MASP2: variants seen among roughly 807,000 people sequenced by gnomAD.
MASP2 encodes the protein MBL associated serine protease 2.
MASP2 carries 49 observed loss-of-function variants against 57.1 expected under a neutral mutation model. The observed-to-expected ratio is 0.86, with a 90% CI of 0.68 to 1.09. The LOEUF (loss-of-function observed/expected upper bound fraction) is 1.09. MASP2 is among the 50% of genes least tolerant of loss of function. MASP2 has a pLI of 0.00. For missense variants in MASP2, 900 were observed against 874.8 expected, an observed-to-expected ratio of 1.03 and a Z score of -0.36; for synonymous variants, 379 against 340.8, an observed-to-expected ratio of 1.11 and a Z score of -1.24.
chr1:11,045,068 C>A, intron 4 of MASP2: 2 of 963,960 alleles, frequency 2.1e-6, no homozygotes, highest in Non-Finnish European at 3.3e-6. Flanking sequence ...ACTGGCCCGT[C>A]CCACAGTGCA....
chr1:11,034,946 A>G, intron 7 of MASP2, 40 bp from the exon 8 acceptor site: 2 of 1,396,204 alleles, frequency 1.4e-6, no homozygotes, highest in Non-Finnish European at 2.0e-6. Context: ...CCTTGTTTAT[A>G]TCATAAAATC....
At chr1:11,040,977 GGATA>G (rs140556474) in intron 6 of MASP2, among the ~76,000 whole-genome samples, 3,404 of 151,500 alleles carry the variant, frequency 0.022, 133 homozygotes, top group African/African-American at 0.076. Context: ...ATGGATGGAT[GGATA>G]GATAGAAGAA....
rs1253980082 is a variant in MASP2 at position 11,027,221 on chromosome 1, T to G, written c.1725A>C (p.Leu575Phe). The G allele has an allele frequency of 3.1e-6, 5 of 1,614,156 alleles. No homozygotes were observed. Among genetic ancestry groups the G allele is most frequent in the Middle Eastern group, 1.6e-4 (1 of 6,084 alleles). Residue 575 changes from leucine (L) to phenylalanine (F), a missense_variant, in exon 11 of 11, where the codon TTA becomes TTC. Coordinates refer to ENST00000400897, the MANE Select transcript of MASP2 (RefSeq NM_006610.4). The part of the protein sequence containing the change: ...DDIGTASGWG[L>F]TQRGFLARNL... ...TTCTAGCAAGAAAACCCCTTTGGGT[T>G]AATCCCCATCCAGATGCAGTTCCAA...
Position 11,041,827 on chromosome 1 carries a change from T to C in MASP2, c.889+1048A>G, listed in dbSNP as rs1041829831. On this transcript the variant is annotated intron_variant, in intron 6 of 10. Coordinates refer to ENST00000400897, the MANE Select transcript of MASP2 (RefSeq NM_006610.4). ...ATGTGTAGGTAGAAGGATGGGTGGA[T>C]GGGTAGATGAGTAGAAGGATGGGTT... Among the ~76,000 whole-genome samples the C allele has an allele frequency of 2.8e-5, 2 of 70,932 alleles. 1 individual carries two copies. Among genetic ancestry groups the C allele is most frequent in the South Asian group, 9.1e-4 (2 of 2,206 alleles). 46.5% of individuals were successfully genotyped at this position (70,932 alleles called of 152,430 possible).
At chr1:11,043,298 G>A (rs1270948562) in intron 5 of MASP2, 41 bp downstream of exon 5, 10 of 1,547,742 alleles carry the variant, frequency 6.5e-6, no homozygotes, top group Non-Finnish European at 6.2e-6. Context: ...CTGGGCTGAG[G>A]GGGAGGATCT....
rs571956287 is a variant in MASP2, at chr1:11,027,615, C to G, written c.1331G>C (p.Arg444Pro). 1 of 1,613,668 alleles carries G rather than the reference C, an allele frequency of 6.2e-7. No homozygotes were observed. Among genetic ancestry groups the G allele is most frequent in the Admixed American group, 1.7e-5 (1 of 59,978 alleles). Residue 444 changes from arginine to proline, a missense_variant, in exon 11 of 11, where the codon CGT (arginine) becomes CCT (proline). By Grantham distance (103) the Arg-to-Pro change is moderately radical. Transcript: ENST00000400897. ...CGLSARTTGG[R>P]IYGGQKAKPG... ...TTTTGCCTTTTGCCCTCCATATATA[C>G]GCCCTCCTGTTGTGCGGGCTGATAG... is the stretch of plus-strand genomic sequence containing the variant.
intron 7 of MASP2, among the ~76,000 whole-genome samples, chr1:11,035,664 G>A (rs112457053): frequency 0.087 from 13,188 of 152,024 alleles, 1,137 homozygotes; most frequent in East Asian, 0.22. Context: ...GGAGGCCGAG[G>A]TGGGAGGATT....
chr1:11,027,715 G>C, intron 10 of MASP2, 67 bp from the exon 11 acceptor site: 1 of 1,496,440 alleles, frequency 6.7e-7, no homozygotes. Flanking sequence ...CTTAAATTAT[G>C]ACCGCCTTGA....
Position 11,026,880 on chromosome 1 carries a change from G to T in MASP2, c.*5C>A. 2 of 1,471,954 alleles carry T rather than the reference G, an allele frequency of 1.4e-6. No individual in the cohort carries two copies. Among genetic ancestry groups the T allele is most frequent in the East Asian group, 2.4e-5 (1 of 40,840 alleles). The allele number at this position is 1,471,954 out of a possible 1,614,324, so 91.2% of individuals were successfully genotyped here. ...ATGAAGAATCCTTGACTGCAGACAC[G>T]CAAGTTAAAAATCACTAATTATGTT... On this transcript the variant is annotated 3_prime_UTR_variant, in exon 11 of 11. Transcript: ENST00000400897.
chr1:11,027,373 G>T lies in MASP2; in HGVS notation c.1573C>A (p.His525Asn). The change falls in exon 11 of 11, where the codon CAT becomes AAT. Residue 525 changes from histidine to asparagine, a missense_variant. Coordinates refer to ENST00000400897, the MANE Select transcript of MASP2 (RefSeq NM_006610.4). ...EAVFIHEGYT[H>N]DAGFDNDIAL... ...ATGTCATTGTCAAAGCCAGCATCAT[G>T]AGTATAACCTTCATGTATAAAAACA... is the stretch of plus-strand genomic sequence containing the variant. 1.2e-6 allele frequency: 2 copies of T among 1,614,174 alleles called. No individual in the cohort carries two copies. Among genetic ancestry groups the T allele is most frequent in the Non-Finnish European group, 8.5e-7 (1 of 1,180,036 alleles).
Position 11,045,408 on chromosome 1 carries a change from C to T in MASP2, c.544G>A (p.Ala182Thr). 6.2e-7 allele frequency: 1 copy of T among 1,613,116 alleles called. No homozygotes were observed. Among genetic ancestry groups the T allele is most frequent in the Non-Finnish European group, 8.5e-7 (1 of 1,179,972 alleles). ...TTGGGGCCCAGGCAGCCTCCCTCAC[C>T]TGAGCAGGTGCGCTTGTTACGGTGC... ...VLHRNKRTCS[A>T]LCSGQVFTQR... is the part of the protein sequence containing the mutation. Residue 182 changes from alanine to threonine, a missense_variant and splice_region_variant, in exon 4 of 11, where the codon GCC becomes ACC. Physicochemically the swap from Ala to Thr is moderately conservative, Grantham distance 58. Coordinates refer to ENST00000400897, the MANE Select transcript of MASP2 (RefSeq NM_006610.4).
At chr1:11,046,305 G>A (rs966752276) in intron 3 of MASP2, 30 of 557,260 alleles carry the variant, frequency 5.4e-5, no homozygotes, top group Middle Eastern at 4.9e-4. Flanking sequence ...GAGCTGCTGC[G>A]CCCGGCCAGT....
At position 11,027,485 on chromosome 1, in the gene MASP2, C is replaced by A. The variant is rs1405192565; in HGVS notation, c.1461G>T (p.Glu487Asp). The A allele has an allele frequency of 6.2e-7, 1 of 1,614,090 alleles. No homozygotes were observed. Among genetic ancestry groups the A allele is most frequent in the African/African-American group, 1.3e-5 (1 of 75,006 alleles). Reference sequence around the variant, plus strand: ...CCAGGGCGGATGCATCATGTTTTTGCTCATAGACGGCATGAGCAGCTGTTA... The same window carrying A: ...CCAGGGCGGATGCATCATGTTTTTGATCATAGACGGCATGAGCAGCTGTTA... ...WVLTAAHAVYEQKHDASALDI... is the reference protein window; with the variant it reads ...WVLTAAHAVYDQKHDASALDI... Residue 487 changes from glutamate (E) to aspartate (D), a missense_variant, in exon 11 of 11, where the codon GAG (glutamate) becomes GAT (aspartate). Transcript: ENST00000400897.
At chr1:11,029,106 C>A (rs376942345) in intron 10 of MASP2, among the ~76,000 whole-genome samples, 94 of 151,266 alleles carry the variant, frequency 6.2e-4, no homozygotes, top group African/African-American at 2.1e-3. Flanking sequence ...CATTCTCTTG[C>A]CTCAGCCTCC....
At chr1:11,043,138 A>G (rs955645489) in intron 5 of MASP2, 116 bp from the exon 6 acceptor site, 15 of 1,210,222 alleles carry the variant, frequency 1.2e-5, no homozygotes, top group Non-Finnish European at 1.8e-5. Flanking sequence ...AACCCAGGCC[A>G]TGGATTGGGG....
At chr1:11,045,120 C>A (rs982362838) in intron 4 of MASP2, 1 of 755,658 alleles carries the variant, frequency 1.3e-6, no homozygotes, top group Non-Finnish European at 2.3e-6. Context: ...GGGCTAGATA[C>A]CCCCGACTCT....
intron 4 of MASP2, among the ~76,000 whole-genome samples, chr1:11,044,494 C>T (rs952926568): frequency 2.3e-4 from 35 of 152,300 alleles, no homozygotes; most frequent in African/African-American, 7.9e-4. Flanking sequence ...CAGATTACCC[C>T]TCAATGAATA....
intron 6 of MASP2, among the ~76,000 whole-genome samples, chr1:11,039,945 C>A (rs1638372688): frequency 7.5e-6 from 1 of 133,488 alleles, no homozygotes; most frequent in Non-Finnish European, 1.6e-5. Flanking sequence ...GGGTGAATGG[C>A]TGTAAGAATG....
In MASP2 at chr1:11,027,511, G is replaced by A. The variant is rs1230711399; in HGVS notation, c.1435C>T (p.Leu479=). ...TCATAGACGGCATGAGCAGCTGTTA[G>A]GACCCAGTTGTCATATAAAAGTGCA... The part of the protein sequence containing the change: ...AGALLYDNWV[L]TAAHAVYEQK... Residue 479 remains leucine, a synonymous_variant, in exon 11 of 11, where the codon CTA becomes TTA. Transcript: ENST00000400897. 3.1e-6 allele frequency: 5 copies of A among 1,614,052 alleles called. No individual in the cohort carries two copies. The highest frequency in any genetic ancestry group is 2.2e-5 in the East Asian group (1 of 44,892).
Sources: allele counts gnomAD v4.1 joint callset (sites outside exome capture counted in the v4.1 genomes callset), GRCh38; gene constraint gnomAD v4.1.1; transcripts MANE v1.5; gene names NCBI Gene and HGNC (gene_info 2026-07-23, HGNC 2026-07-21).